PDE4D: variants seen among roughly 807,000 people sequenced by gnomAD.
PDE4D encodes the protein phosphodiesterase 4D.
PDE4D carries 24 observed loss-of-function variants against 87.4 expected under a neutral mutation model. The observed-to-expected ratio is 0.27, with a 90% CI of 0.20 to 0.39. PDE4D has a LOEUF of 0.39. Among genes scored for constraint, PDE4D ranks in the 10% least tolerant of loss-of-function variants. The pLI is 1.00. For missense variants in PDE4D, 714 were observed against 1,041.0 expected, an observed-to-expected ratio of 0.69 and a Z score of 4.32; for synonymous variants, 384 against 383.2, an observed-to-expected ratio of 1.00 and a Z score of -0.02.
At chr5:59,626,443 C>T (rs1830914348) in intron 1 of PDE4D, among the ~76,000 whole-genome samples, 1 of 152,104 alleles carries the variant, frequency 6.6e-6, no homozygotes, top group Non-Finnish European at 1.5e-5. Context: ...CCATGCATTT[C>T]TTTATTCAAG....
intron 5 of PDE4D, among the ~76,000 whole-genome samples, chr5:59,090,250 G>A (rs566467981): frequency 6.6e-6 from 1 of 152,092 alleles, no homozygotes; most frequent in Non-Finnish European, 1.5e-5. Context: ...CTAGCCAGTT[G>A]CTAATAGTGA....
chr5:60,297,086 A>G (rs1400049532), intron 1 of PDE4D, among the ~76,000 whole-genome samples: 1 of 152,218 alleles, frequency 6.6e-6, no homozygotes, highest in Admixed American at 6.5e-5. Context: ...AACTTAAAGT[A>G]TAATTTATAA....
chr5:60,447,492 A>G (rs1745736479), intron 1 of PDE4D, among the ~76,000 whole-genome samples: 1 of 152,052 alleles, frequency 6.6e-6, no homozygotes, highest in South Asian at 2.1e-4. Flanking sequence ...AGAAGACTTT[A>G]CTCTGTGTTG....
At chr5:59,154,005 C>T (rs995103003) in intron 5 of PDE4D, among the ~76,000 whole-genome samples, 6 of 151,946 alleles carry the variant, frequency 3.9e-5, no homozygotes, top group Admixed American at 3.9e-4. Context: ...ACATGGTGCA[C>T]GTGGGTGGAA....
chr5:60,100,695 T>C (rs1185896651), intron 2 of PDE4D, among the ~76,000 whole-genome samples: 3 of 152,102 alleles, frequency 2.0e-5, no homozygotes, highest in African/African-American at 7.2e-5. Flanking sequence ...TGCAACTAAA[T>C]TGCAACTAAA....
intron 1 of PDE4D, among the ~76,000 whole-genome samples, chr5:60,311,847 G>A (rs1051859032): frequency 6.6e-6 from 1 of 152,206 alleles, no homozygotes. Context: ...ACACTCATAG[G>A]CTCAAAGTAA....
At chr5:59,609,431 A>G (rs1447736284) in intron 1 of PDE4D, among the ~76,000 whole-genome samples, 2 of 148,072 alleles carry the variant, frequency 1.4e-5, no homozygotes, top group East Asian at 4.0e-4. Context: ...GAATATCACT[A>G]TGATTTGATG....
At chr5:59,453,090 T>G (rs2153641475) in intron 1 of PDE4D, among the ~76,000 whole-genome samples, 1 of 152,280 alleles carries the variant, frequency 6.6e-6, no homozygotes, top group East Asian at 1.9e-4. Flanking sequence ...TATTTCAAAC[T>G]TTTAAAATTA....
At chr5:59,862,314 G>C (rs1295904426) in intron 1 of PDE4D, among the ~76,000 whole-genome samples, 2 of 152,050 alleles carry the variant, frequency 1.3e-5, no homozygotes, top group Non-Finnish European at 2.9e-5. Flanking sequence ...AATAATGCTT[G>C]CTTAAAACAA....
intron 1 of PDE4D, among the ~76,000 whole-genome samples, chr5:59,588,900 C>T: frequency 6.6e-6 from 1 of 152,148 alleles, no homozygotes; most frequent in East Asian, 1.9e-4. Context: ...AAACTTCAGC[C>T]TACATTGTTT....
chr5:59,873,411 C>A (rs1748113148), intron 1 of PDE4D, among the ~76,000 whole-genome samples: 1 of 152,196 alleles, frequency 6.6e-6, no homozygotes. Flanking sequence ...GCTAACTGCA[C>A]AGCTCACCAG....
chr5:59,049,508 C>T (rs781607721), intron 5 of PDE4D, among the ~76,000 whole-genome samples: 11 of 151,986 alleles, frequency 7.2e-5, no homozygotes, highest in Non-Finnish European at 1.0e-4. Context: ...GAAATATTAA[C>T]ATTAAAATAA....
At chr5:59,440,974 C>T (rs59152084) in intron 1 of PDE4D, among the ~76,000 whole-genome samples, 40,960 of 151,904 alleles carry the variant, frequency 0.27, 9,106 homozygotes, top group African/African-American at 0.62. Flanking sequence ...ATTTAAATAT[C>T]GAAAATTTAA....
At chr5:59,840,657 G>C (rs1294976431) in intron 1 of PDE4D, among the ~76,000 whole-genome samples, 1 of 152,052 alleles carries the variant, frequency 6.6e-6, no homozygotes, top group Non-Finnish European at 1.5e-5. Context: ...AACAATTTGA[G>C]AGACCGCCAC....
At chr5:59,148,981 T>C (rs1779082405) in intron 5 of PDE4D, among the ~76,000 whole-genome samples, 1 of 152,064 alleles carries the variant, frequency 6.6e-6, no homozygotes, top group Non-Finnish European at 1.5e-5. Flanking sequence ...TGGGCCTGGG[T>C]GTCAGGATAG....
At chr5:59,470,207 C>T (rs949728023) in intron 1 of PDE4D, among the ~76,000 whole-genome samples, 3 of 152,012 alleles carry the variant, frequency 2.0e-5, no homozygotes, top group Admixed American at 2.0e-4. Context: ...ATAATTTGGT[C>T]AGAATTTAAT....
intron 5 of PDE4D, among the ~76,000 whole-genome samples, chr5:59,141,878 T>C (rs1777950948): frequency 6.6e-6 from 1 of 152,146 alleles, no homozygotes; most frequent in African/African-American, 2.4e-5. Context: ...CTTCAGGGGC[T>C]CCCTTCTGAT....
intron 1 of PDE4D, among the ~76,000 whole-genome samples, chr5:59,392,060 A>ATT (rs370958033): frequency 4.7e-5 from 7 of 150,208 alleles, no homozygotes; most frequent in African/African-American, 1.2e-4. Context: ...TCACTGCTGT[A>ATT]TTTTTTTTTA....
intron 1 of PDE4D, among the ~76,000 whole-genome samples, chr5:59,393,889 T>A (rs1562096541): frequency 1.3e-5 from 2 of 152,224 alleles, no homozygotes; most frequent in Non-Finnish European, 2.9e-5. Flanking sequence ...ATCTTTTTAA[T>A]TAAAAGTGGA....
Sources: gnomAD v4.1 joint callset for allele counts (sites outside exome capture counted in the v4.1 genomes callset) on GRCh38, gnomAD v4.1.1 for gene constraint, MANE v1.5 for transcripts, NCBI Gene and HGNC (gene_info 2026-07-23, HGNC 2026-07-21) for gene names.